The following ZNF678 variants were observed in gnomAD, a reference collection of about 807,000 sequenced individuals.
ZNF678 encodes the protein zinc finger protein 678.
Under a neutral mutation model 3.0 loss-of-function variants are expected in ZNF678, and 5 were observed. The ratio of observed to expected loss-of-function variants is 1.69; its 90% CI spans 0.88 to 3.56. The LOEUF is 3.56. Among genes scored for constraint, ZNF678 ranks in the 30% most tolerant of loss-of-function variants. The pLI is 0.00. For missense variants in ZNF678, 593 were observed against 605.0 expected, an observed-to-expected ratio of 0.98 and a Z score of 0.21; for synonymous variants, 218 against 199.6, an observed-to-expected ratio of 1.09 and a Z score of -0.78.
At chr1:227,605,890 A>T (rs1219763159) in intron 1 of ZNF678, among the ~76,000 whole-genome samples, 1 of 152,250 alleles carries the variant, frequency 6.6e-6, no homozygotes, top group Non-Finnish European at 1.5e-5. Flanking sequence ...TTGTGGAAGT[A>T]TAAGCATAAA....
intron 1 of ZNF678, among the ~76,000 whole-genome samples, chr1:227,630,979 C>T (rs1023739168): frequency 6.9e-5 from 9 of 130,370 alleles, no homozygotes; most frequent in Non-Finnish European, 1.3e-4. Flanking sequence ...ACAATTTATA[C>T]TTCCCTCAGG....
chr1:227,633,820 G>A (rs1458042180), intron 1 of ZNF678, among the ~76,000 whole-genome samples: 1 of 152,180 alleles, frequency 6.6e-6, no homozygotes, highest in Non-Finnish European at 1.5e-5. Context: ...TCCTAGGTGA[G>A]TTATAGTGCT....
chr1:227,618,902 C>A (rs747025263), intron 1 of ZNF678, among the ~76,000 whole-genome samples: 6 of 152,126 alleles, frequency 3.9e-5, no homozygotes, highest in African/African-American at 2.4e-5. Flanking sequence ...GTTTAATTGA[C>A]TGACTTTCCC....
At chr1:227,624,582 G>A (rs1329267320) in intron 1 of ZNF678, among the ~76,000 whole-genome samples, 1 of 152,196 alleles carries the variant, frequency 6.6e-6, no homozygotes, top group Admixed American at 6.5e-5. Flanking sequence ...ATGGCAGCAA[G>A]CCTTTTGTTC....
chr1:227,614,490 T>C (rs939286775), intron 1 of ZNF678, among the ~76,000 whole-genome samples: 5 of 152,340 alleles, frequency 3.3e-5, no homozygotes, highest in African/African-American at 1.2e-4. Context: ...GGTGATGTTC[T>C]TGTGTCACAG....
At chr1:227,632,757 A>G (rs183275615) in intron 1 of ZNF678, among the ~76,000 whole-genome samples, 60 of 152,300 alleles carry the variant, frequency 3.9e-4, no homozygotes, top group Admixed American at 1.4e-3. Context: ...AAATCGTCCA[A>G]TATTACTCAC....
At chr1:227,639,798 C>T (rs186947905) in intron 1 of ZNF678, among the ~76,000 whole-genome samples, 43 of 152,196 alleles carry the variant, frequency 2.8e-4, no homozygotes, top group Admixed American at 2.6e-4. Context: ...GATACAGTCC[C>T]GGTCTTCTGG....
At chr1:227,612,915 G>A (rs1206788310) in intron 1 of ZNF678, among the ~76,000 whole-genome samples, 1 of 152,150 alleles carries the variant, frequency 6.6e-6, no homozygotes, top group Non-Finnish European at 1.5e-5. Flanking sequence ...AACATCATCA[G>A]TGTCTGACTG....
At chr1:227,599,098 T>A (rs1657667926) in intron 1 of ZNF678, 4 of 1,594,990 alleles carry the variant, frequency 2.5e-6, no homozygotes, top group Non-Finnish European at 3.4e-6. Flanking sequence ...TTGGACCCCT[T>A]GATCTCGCCA....
intron 1 of ZNF678, among the ~76,000 whole-genome samples, chr1:227,605,909 T>C (rs916170390): frequency 1.3e-5 from 2 of 152,158 alleles, no homozygotes; most frequent in Non-Finnish European, 2.9e-5. Context: ...AATGGATAAA[T>C]TAATTGTTCT....
Position 227,655,676 on chromosome 1 carries a change from C to G in ZNF678, c.1426C>G (p.Leu476Val), listed in dbSNP as rs527604225. 6.2e-7 allele frequency: 1 copy of G among 1,612,688 alleles called. No individual in the cohort carries two copies. Among genetic ancestry groups the G allele is most frequent in the Non-Finnish European group, 8.5e-7 (1 of 1,179,208 alleles). Residue 476 changes from leucine (L) to valine (V), a missense_variant, in exon 4 of 4, where the codon CTT becomes GTT. Transcript: ENST00000343776. Reference sequence around the variant, plus strand: ...CAAAGCCTTTAACCAGTTCTCAAGCCTTACTCGTCATAAAAGAATTCATAC... The same window carrying G: ...CAAAGCCTTTAACCAGTTCTCAAGCGTTACTCGTCATAAAAGAATTCATAC... ...CGKAFNQFSS[L>V]TRHKRIHTGE... is the part of the protein sequence containing the mutation.
intron 5 of ZNF678, among the ~76,000 whole-genome samples, chr1:227,668,270 T>C (rs955619407): frequency 1.4e-4 from 21 of 152,230 alleles, no homozygotes; most frequent in African/African-American, 4.1e-4. Context: ...TAATTAGCGA[T>C]TTAATTTCTA....
chr1:227,647,181 T>C (rs1476290582), intron 2 of ZNF678, among the ~76,000 whole-genome samples: 5 of 152,140 alleles, frequency 3.3e-5, no homozygotes, highest in African/African-American at 1.2e-4. Flanking sequence ...CACTTGAACC[T>C]GAGAGGCAGA....
intron 1 of ZNF678, among the ~76,000 whole-genome samples, chr1:227,609,163 A>G (rs10753436): frequency 0.22 from 32,880 of 152,148 alleles, 4,046 homozygotes; most frequent in African/African-American, 0.33. Context: ...TTGGAAAAGA[A>G]CTAAACCAAA....
At chr1:227,615,270 G>T (rs1003308089) in intron 1 of ZNF678, among the ~76,000 whole-genome samples, 1 of 152,188 alleles carries the variant, frequency 6.6e-6, no homozygotes, top group Non-Finnish European at 1.5e-5. Context: ...TCACATAGAG[G>T]CTCAGTGCAG....
downstream of ZNF678, among the ~76,000 whole-genome samples, chr1:227,679,529 A>G (rs1659733088): frequency 6.9e-6 from 1 of 144,462 alleles, no homozygotes; most frequent in Non-Finnish European, 1.5e-5. Context: ...TGCTTGCTCA[A>G]TTGATCATGA....
intron 1 of ZNF678, among the ~76,000 whole-genome samples, chr1:227,627,783 A>G (rs1010569806): frequency 8.5e-5 from 13 of 152,188 alleles, no homozygotes; most frequent in Admixed American, 6.5e-4. Flanking sequence ...CAAGTATTCC[A>G]TTATCACTGG....
At chr1:227,622,118 G>A (rs892493800) in intron 1 of ZNF678, among the ~76,000 whole-genome samples, 1 of 152,186 alleles carries the variant, frequency 6.6e-6, no homozygotes. Flanking sequence ...TGGAAAGTCT[G>A]ACATCTTTTA....
chr1:227,653,412 T>C (rs186341286), intron 3 of ZNF678, among the ~76,000 whole-genome samples: 3 of 152,246 alleles, frequency 2.0e-5, no homozygotes, highest in Non-Finnish European at 4.4e-5. Flanking sequence ...ATTTCACTTA[T>C]TGAGCATCAT....
Sources: gnomAD v4.1 joint callset for allele counts (sites outside exome capture counted in the v4.1 genomes callset) on GRCh38, gnomAD v4.1.1 for gene constraint, MANE v1.5 for transcripts, NCBI Gene and HGNC (gene_info 2026-07-23, HGNC 2026-07-21) for gene names.